Variants in KLHL1 observed in about 807,000 individuals in gnomAD.
KLHL1 encodes the protein kelch-like protein 1.
KLHL1 carries 47 observed loss-of-function variants against 77.7 expected under a neutral mutation model. That is an observed-to-expected ratio of 0.60 (90% CI 0.48 to 0.77). The LOEUF (loss-of-function observed/expected upper bound fraction) is 0.77, where lower values mean the gene tolerates loss of function less well. Among genes scored for constraint, KLHL1 ranks in the 30% least tolerant of loss-of-function variants. The pLI is 0.00. For synonymous variants in KLHL1, 360 were observed against 325.2 expected (o/e 1.11, Z -1.15); for missense variants, 925 against 910.8 (o/e 1.02, Z -0.20).
At chr13:69,766,218 T>C (rs1201087309) in intron 7 of KLHL1, among the ~76,000 whole-genome samples, 4 of 152,048 alleles carry the variant, frequency 2.6e-5, no homozygotes, top group Non-Finnish European at 5.9e-5. Flanking sequence ...ACACACACCA[T>C]ATGGAAAACA....
chr13:69,903,703 G>A (rs1767448262), intron 4 of KLHL1, among the ~76,000 whole-genome samples: 1 of 120,408 alleles, frequency 8.3e-6, no homozygotes, highest in Admixed American at 1.1e-4. Flanking sequence ...GTGCAGTAGT[G>A]GAATCTCGGC....
chr13:69,902,737 A>C (rs1881911537), intron 4 of KLHL1, among the ~76,000 whole-genome samples: 1 of 127,006 alleles, frequency 7.9e-6, no homozygotes, highest in Admixed American at 9.1e-5. Flanking sequence ...GGGGAACATC[A>C]CATATCGGGG....
Position 69,721,354 on chromosome 13 carries a change from A to C in KLHL1, c.1803-1773T>G, listed in dbSNP as rs373722851. Among the ~76,000 whole-genome samples, 19 of 151,112 alleles carry C rather than the reference A, an allele frequency of 1.3e-4. No individual in the cohort carries two copies. In the East Asian group the frequency reaches 3.6e-3, roughly 29 times the overall value. The stretch of plus-strand genomic sequence containing the variant: ...GTCTCGTATCTCCCTAAAATGTATA[A>C]AATCAAGCTGTGCCCCAACCACCTT... On this transcript the variant is annotated intron_variant, in intron 8 of 10. Coordinates refer to ENST00000377844, the MANE Select transcript of KLHL1 (RefSeq NM_020866.3).
At chr13:69,876,450 AGAGACTTAATTCAT>A (rs1198319288) in intron 5 of KLHL1, among the ~76,000 whole-genome samples, 1 of 152,224 alleles carries the variant, frequency 6.6e-6, no homozygotes, top group Non-Finnish European at 1.5e-5. Context: ...CTTTACACAG[AGAGACTTAATTCAT>A]GTAAAATAGA....
At chr13:70,045,653 A>G (rs1886476714) in intron 1 of KLHL1, among the ~76,000 whole-genome samples, 1 of 152,280 alleles carries the variant, frequency 6.6e-6, no homozygotes, top group Admixed American at 6.5e-5. Context: ...AAGTATCTGA[A>G]AGCTTGCTGG....
intron 3 of KLHL1, among the ~76,000 whole-genome samples, chr13:69,953,414 A>G (rs183395624): frequency 1.2e-4 from 18 of 151,286 alleles, no homozygotes; most frequent in African/African-American, 4.1e-4. Flanking sequence ...CTCTCATATT[A>G]AGCAGACAGA....
intron 6 of KLHL1, among the ~76,000 whole-genome samples, chr13:69,831,076 A>G (rs1878740986): frequency 6.7e-6 from 1 of 148,940 alleles, no homozygotes; most frequent in East Asian, 1.9e-4. Flanking sequence ...CAAACCCAGT[A>G]GAAGAAAAAA....
intron 7 of KLHL1, among the ~76,000 whole-genome samples, chr13:69,758,737 AT>A (rs1264674407): frequency 2.0e-5 from 3 of 152,020 alleles, no homozygotes; most frequent in African/African-American, 4.8e-5. Context: ...TATTTCCTCA[AT>A]TTTTTTGTTT....
chr13:70,024,620 T>TTCTCTCTCTCTCTCTC (rs5804459), intron 1 of KLHL1, among the ~76,000 whole-genome samples: 35 of 130,278 alleles, frequency 2.7e-4, no homozygotes, highest in African/African-American at 8.7e-4. Flanking sequence ...GAGAAAAGAT[T>TTCTCTCTCTCTCTCTC]TCTCTCTCTC....
chr13:70,081,702 C>G (rs1313347283), intron 1 of KLHL1, among the ~76,000 whole-genome samples: 1 of 152,186 alleles, frequency 6.6e-6, no homozygotes, highest in African/African-American at 2.4e-5. Flanking sequence ...TGTCAAGCTT[C>G]TTGTAGAATG....
At chr13:69,724,688 C>T (rs1042140365) in intron 8 of KLHL1, among the ~76,000 whole-genome samples, 2 of 151,928 alleles carry the variant, frequency 1.3e-5, no homozygotes, top group African/African-American at 4.8e-5. Context: ...GATAGTTCAA[C>T]AAAAAATCTT....
At chr13:69,789,257 T>A (rs1037987842) in intron 7 of KLHL1, among the ~76,000 whole-genome samples, 8 of 147,874 alleles carry the variant, frequency 5.4e-5, no homozygotes, top group South Asian at 2.2e-4. Flanking sequence ...ATTACTTTTT[T>A]AAATTATTTT....
At chr13:69,781,010 T>C (rs1876160365) in intron 7 of KLHL1, among the ~76,000 whole-genome samples, 1 of 145,952 alleles carries the variant, frequency 6.9e-6, no homozygotes, top group African/African-American at 2.5e-5. Context: ...GTAAGTTTCT[T>C]CCAGCATAAT....
At chr13:69,957,121 T>C (rs1273832706) in intron 3 of KLHL1, among the ~76,000 whole-genome samples, 2 of 151,622 alleles carry the variant, frequency 1.3e-5, no homozygotes, top group African/African-American at 4.8e-5. Context: ...AATATCTCAG[T>C]TTTCATTTCT....
intron 1 of KLHL1, among the ~76,000 whole-genome samples, chr13:70,015,454 T>C (rs1244904044): frequency 5.9e-5 from 9 of 152,208 alleles, no homozygotes. Context: ...TAACTGTGCA[T>C]GCACATAAAA....
At chr13:70,095,974 C>T (rs752932536) in intron 1 of KLHL1, among the ~76,000 whole-genome samples, 11 of 152,012 alleles carry the variant, frequency 7.2e-5, no homozygotes, top group Non-Finnish European at 1.5e-4. Context: ...GCTTATTTCA[C>T]CTAACATAAG....
intron 7 of KLHL1, among the ~76,000 whole-genome samples, chr13:69,795,294 T>C (rs887509735): frequency 6.6e-6 from 1 of 152,200 alleles, no homozygotes; most frequent in Non-Finnish European, 1.5e-5. Context: ...TAAATTTTAC[T>C]TTGGATTGAT....
intron 1 of KLHL1, among the ~76,000 whole-genome samples, chr13:69,983,576 C>CAAAAAAAAAAAAAAAA (rs1282357751): frequency 1.4e-3 from 57 of 39,910 alleles, no homozygotes; most frequent in South Asian, 3.5e-3. Context: ...CCTATCTTTA[C>CAAAAAAAAAAAAAAAA]AAAAAAAAAA....
intron 6 of KLHL1, among the ~76,000 whole-genome samples, chr13:69,802,519 A>G (rs949508532): frequency 6.6e-6 from 1 of 152,114 alleles, no homozygotes. Flanking sequence ...GCAATCCACA[A>G]GCAGACAGCC....
Sources: gnomAD v4.1 joint callset for allele counts (sites outside exome capture counted in the v4.1 genomes callset) on GRCh38, gnomAD v4.1.1 for gene constraint, MANE v1.5 for transcripts, NCBI Gene and HGNC (gene_info 2026-07-23, HGNC 2026-07-21) for gene names.